PRKCB: variants seen among roughly 807,000 people sequenced by gnomAD.
PRKCB encodes protein kinase C beta, also known as protein kinase C beta type.
In PRKCB, 13 loss-of-function variants were observed where a neutral mutation model predicts 81.5. The observed-to-expected ratio is 0.16, with a 90% CI of 0.10 to 0.25. The LOEUF is 0.25. Ranked by LOEUF, PRKCB falls within the 10% of genes least tolerant of loss-of-function variation. PRKCB has a pLI of 1.00. For missense variants in PRKCB, 509 were observed against 875.7 expected (o/e 0.58, Z 5.29); for synonymous variants, 335 against 321.4 (o/e 1.04, Z -0.45).
intron 5 of PRKCB, among the ~76,000 whole-genome samples, chr16:24,052,616 G>A (rs571068624): frequency 7.6e-4 from 116 of 152,300 alleles, no homozygotes; most frequent in African/African-American, 2.6e-3. Flanking sequence ...TTTAGACCAT[G>A]TAGGGTAACT....
chr16:23,874,772 G>T (rs1318940181), intron 2 of PRKCB, among the ~76,000 whole-genome samples: 1 of 152,028 alleles, frequency 6.6e-6, no homozygotes, highest in East Asian at 1.9e-4. Flanking sequence ...CAACTATTTT[G>T]GCAGCCCTCT....
intron 16 of PRKCB, among the ~76,000 whole-genome samples, chr16:24,193,906 C>T (rs1275445218): frequency 4.6e-5 from 7 of 152,136 alleles, no homozygotes; most frequent in Non-Finnish European, 8.8e-5. Context: ...GGCTAGAACT[C>T]GGTGCTGTGG....
chr16:24,039,786 CA>C (rs1335761041), intron 5 of PRKCB, among the ~76,000 whole-genome samples: 2 of 152,190 alleles, frequency 1.3e-5, no homozygotes, highest in African/African-American at 4.8e-5. Flanking sequence ...GGGCAGGGTC[CA>C]ACAGCATCTG....
chr16:24,152,073 T>C (rs1967088670), intron 9 of PRKCB, among the ~76,000 whole-genome samples: 1 of 152,052 alleles, frequency 6.6e-6, no homozygotes, highest in Non-Finnish European at 1.5e-5. Flanking sequence ...CCTTGACCGG[T>C]GGTGATGGGT....
At chr16:24,067,091 A>G (rs1432301945) in intron 5 of PRKCB, among the ~76,000 whole-genome samples, 1 of 151,826 alleles carries the variant, frequency 6.6e-6, no homozygotes, top group Non-Finnish European at 1.5e-5. Context: ...GCCTCAAGTG[A>G]TCACCCCTCC....
intron 16 of PRKCB, among the ~76,000 whole-genome samples, chr16:24,202,035 CAA>C (rs72304458): frequency 7.1e-4 from 84 of 117,980 alleles, no homozygotes; most frequent in Non-Finnish European, 7.0e-4. Flanking sequence ...GACTCCGTCT[CAA>C]AAAAAAAAAA....
At chr16:24,030,495 C>T (rs1416587343) in intron 3 of PRKCB, among the ~76,000 whole-genome samples, 4 of 152,134 alleles carry the variant, frequency 2.6e-5, no homozygotes, top group Non-Finnish European at 5.9e-5. Flanking sequence ...AAGACCTCTA[C>T]ACAGGTTCAT....
chr16:24,201,488 G>T (rs1567411071), intron 16 of PRKCB, among the ~76,000 whole-genome samples: 1 of 152,056 alleles, frequency 6.6e-6, no homozygotes, highest in Non-Finnish European at 1.5e-5. Context: ...AAAGAAAAGG[G>T]CTTCCTTTTT....
chr16:24,037,428 C>T (rs978125275), intron 5 of PRKCB, among the ~76,000 whole-genome samples: 1 of 152,114 alleles, frequency 6.6e-6, no homozygotes, highest in South Asian at 2.1e-4. Flanking sequence ...TTGTGAAAAG[C>T]ACTTACAGGC....
chr16:23,866,338 G>T (rs1378829096), intron 2 of PRKCB, among the ~76,000 whole-genome samples: 1 of 152,190 alleles, frequency 6.6e-6, no homozygotes, highest in African/African-American at 2.4e-5. Context: ...CAGCATAGAT[G>T]ATATAGTGAC....
chr16:23,975,351 T>C (rs1157229678), intron 2 of PRKCB, among the ~76,000 whole-genome samples: 1 of 152,142 alleles, frequency 6.6e-6, no homozygotes, highest in Non-Finnish European at 1.5e-5. Context: ...TGTCACTCCT[T>C]GTCATGTCAA....
intron 12 of PRKCB, among the ~76,000 whole-genome samples, chr16:24,177,074 C>G (rs1424551431): frequency 6.6e-6 from 1 of 152,102 alleles, no homozygotes; most frequent in Non-Finnish European, 1.5e-5. Flanking sequence ...TGTGCCTCTA[C>G]TAAAATAGAA....
chr16:24,100,588 C>T (rs1425909443), intron 7 of PRKCB, among the ~76,000 whole-genome samples: 1 of 152,170 alleles, frequency 6.6e-6, no homozygotes, highest in African/African-American at 2.4e-5. Context: ...CTCTGGCCAG[C>T]GTTCCAGCCG....
chr16:24,194,455 T>C (rs1967849921), intron 16 of PRKCB, among the ~76,000 whole-genome samples: 1 of 152,216 alleles, frequency 6.6e-6, no homozygotes, highest in Non-Finnish European at 1.5e-5. Context: ...CACACCCATA[T>C]GTATCCCATG....
In PRKCB at chr16:24,217,837, A is replaced by C; in HGVS notation, c.*3021A>C. The C allele has an allele frequency of 1.0e-6, 1 of 985,462 alleles. No individual in the cohort carries two copies. Among genetic ancestry groups the C allele is most frequent in the Non-Finnish European group, 1.2e-6 (1 of 829,976 alleles). 61.0% of individuals were successfully genotyped at this position (985,462 alleles called of 1,614,324 possible). On this transcript the variant is annotated 3_prime_UTR_variant, in exon 17 of 17. Transcript: ENST00000643927. ...CCTTTTAGCTCACACACTGTCCTGG[A>C]GTTCTCAGACCTTTAGGGGCCCTAA...
In PRKCB at chr16:24,013,731, G is replaced by A. The variant is rs139170494; in HGVS notation, c.289-18405G>A. 4.3e-3 allele frequency among the ~76,000 whole-genome samples: 647 copies of A among 150,902 alleles called. 2 individuals are homozygous for A. The highest frequency in any genetic ancestry group is 0.015 in the African/African-American group (621 of 40,962). ...CAATACCTGTCTGTTCAGCAGAGTG[G>A]CGTCCTAGTGAGGTTCTTGGTAAAA... On this transcript the variant is annotated intron_variant, in intron 3 of 16. Transcript: ENST00000643927.
At chr16:24,032,624 G>A (rs1315958546) in intron 4 of PRKCB, among the ~76,000 whole-genome samples, 1 of 152,202 alleles carries the variant, frequency 6.6e-6, no homozygotes, top group African/African-American at 2.4e-5. Flanking sequence ...TCATCTGGGT[G>A]ATGGTGATGA....
chr16:24,116,550 A>T (rs1408976589), intron 8 of PRKCB, among the ~76,000 whole-genome samples: 2 of 152,212 alleles, frequency 1.3e-5, no homozygotes. Context: ...TGGAACAGAC[A>T]CATTGGCCTT....
At chr16:24,023,897 T>A (rs951215719) in intron 3 of PRKCB, among the ~76,000 whole-genome samples, 1 of 152,184 alleles carries the variant, frequency 6.6e-6, no homozygotes, top group African/African-American at 2.4e-5. Flanking sequence ...CCATTCCGTT[T>A]GGTCTGTGGG....
Sources: allele counts gnomAD v4.1 joint callset (sites outside exome capture counted in the v4.1 genomes callset), GRCh38; gene constraint gnomAD v4.1.1; transcripts MANE v1.5; gene names NCBI Gene and HGNC (gene_info 2026-07-23, HGNC 2026-07-21).